OPHN1: variants seen among roughly 807,000 people sequenced by gnomAD.
OPHN1 encodes the protein oligophrenin 1.
A neutral mutation model predicts 60.7 loss-of-function variants in OPHN1; 11 were observed. That is an observed-to-expected ratio of 0.18 (90% confidence interval 0.11 to 0.30). The LOEUF (loss-of-function observed/expected upper bound fraction) is 0.30. Among genes scored for constraint, OPHN1 ranks in the 10% least tolerant of loss-of-function variants. The pLI, the probability that OPHN1 is intolerant of heterozygous loss-of-function variation, is 1.00. For missense variants in OPHN1, 449 were observed against 611.0 expected, an observed-to-expected ratio of 0.73 and a Z score of 2.80; for synonymous variants, 226 against 222.6, an observed-to-expected ratio of 1.02 and a Z score of -0.14.
chrX:68,048,180 T>C (rs776406765), intron 24 of OPHN1, among the ~76,000 whole-genome samples: 2 of 111,863 alleles, frequency 1.8e-5, no homozygotes, highest in African/African-American at 3.3e-5. Context: ...AAGCGTGCCA[T>C]AGTTTGGCTA....
intron 5 of OPHN1, among the ~76,000 whole-genome samples, chrX:68,243,437 G>T (rs2077790915): frequency 9.0e-6 from 1 of 111,351 alleles, no homozygotes; most frequent in Non-Finnish European, 1.9e-5. Flanking sequence ...ACCCAGGCTG[G>T]AGTGCAGTGG....
rs775592018 is a variant in OPHN1 at position 68,365,477 on chromosome X, C to T, written c.155-66381G>A. Among the ~76,000 whole-genome samples, 13 of 111,311 alleles carry T rather than the reference C, an allele frequency of 1.2e-4. No homozygotes were observed. In the South Asian group the frequency reaches 4.2e-3, roughly 36 times the overall value. On this transcript the variant is annotated intron_variant, in intron 2 of 24. Coordinates refer to ENST00000355520, the MANE Select transcript of OPHN1 (RefSeq NM_002547.3). ...AAAAGTCTCAGAATGTACCAGCTGA[C>T]ACGAGGCAATTACCATTTTGTTCAT...
intron 5 of OPHN1, among the ~76,000 whole-genome samples, chrX:68,270,872 C>G (rs912901010): frequency 9.0e-6 from 1 of 111,381 alleles, no homozygotes; most frequent in Non-Finnish European, 1.9e-5. Context: ...GTGAAATGAG[C>G]CCTAGACTTA....
At chrX:68,071,452 T>C in intron 20 of OPHN1, 1 of 909,341 alleles carries the variant, frequency 1.1e-6, no homozygotes, top group Non-Finnish European at 1.6e-6. Flanking sequence ...GGCACAGGCT[T>C]TCTCCACTTC....
chrX:68,048,707 A>C (rs754793458), intron 23 of OPHN1, among the ~76,000 whole-genome samples: 2 of 112,152 alleles, frequency 1.8e-5, no homozygotes, highest in Admixed American at 1.9e-4. Context: ...AGACTATGTG[A>C]AGCTTGGAGA....
chrX:68,109,278 C>T (rs1486659453), intron 18 of OPHN1, among the ~76,000 whole-genome samples: 2 of 111,376 alleles, frequency 1.8e-5, no homozygotes, highest in South Asian at 3.7e-4. Flanking sequence ...AAAATATGTA[C>T]TTTTGTGTCT....
chrX:68,317,641 AAAAG>A (rs1180219788), intron 2 of OPHN1, among the ~76,000 whole-genome samples: 1 of 90,804 alleles, frequency 1.1e-5, no homozygotes, highest in African/African-American at 4.8e-5. Flanking sequence ...AAAGAAAAGA[AAAAG>A]AAGAAGAAGA....
chrX:68,403,935 C>G (rs901208319), intron 2 of OPHN1, among the ~76,000 whole-genome samples: 7 of 108,403 alleles, frequency 6.5e-5, no homozygotes, highest in African/African-American at 2.4e-4. Flanking sequence ...GTGGCACAAG[C>G]AGAAGAGTAA....
chrX:68,211,993 A>G (rs375580463), intron 8 of OPHN1, 115 bp downstream of exon 8: 2 of 535,990 alleles, frequency 3.7e-6, no homozygotes, highest in South Asian at 2.5e-5. Context: ...ACACCAGTAT[A>G]TTCTAACAAA....
chrX:68,314,389 C>T (rs922157749), intron 2 of OPHN1, among the ~76,000 whole-genome samples: 8 of 110,405 alleles, frequency 7.2e-5, no homozygotes, highest in Non-Finnish European at 1.1e-4. Flanking sequence ...GGCGTGGTAG[C>T]GCATGCCTGT....
intron 15 of OPHN1, among the ~76,000 whole-genome samples, chrX:68,163,943 A>T (rs1348614991): frequency 1.8e-5 from 2 of 111,745 alleles, no homozygotes; most frequent in Non-Finnish European, 3.8e-5. Flanking sequence ...TAAAACATAG[A>T]ATCATAAAGA....
chrX:68,265,594 A>C (rs962158402), intron 5 of OPHN1, among the ~76,000 whole-genome samples: 4 of 111,484 alleles, frequency 3.6e-5, no homozygotes, highest in Admixed American at 9.6e-5. Flanking sequence ...AGAGAAGAAA[A>C]ACTGGAAACT....
At chrX:68,201,318 C>T (rs1191769052) in intron 11 of OPHN1, among the ~76,000 whole-genome samples, 1 of 112,159 alleles carries the variant, frequency 8.9e-6, no homozygotes, top group Admixed American at 9.5e-5. Flanking sequence ...TGCAAGATCA[C>T]CAAATGTTGA....
chrX:68,329,612 A>G (rs961402015), intron 2 of OPHN1, among the ~76,000 whole-genome samples: 8 of 111,938 alleles, frequency 7.1e-5, no homozygotes, highest in African/African-American at 2.3e-4. Flanking sequence ...CAAATGTTCT[A>G]AAGAGCTAAA....
chrX:68,192,813 T>G (rs1170792536), intron 15 of OPHN1, 106 bp downstream of exon 15: 1 of 671,436 alleles, frequency 1.5e-6, no homozygotes, highest in Non-Finnish European at 2.4e-6. Context: ...AATACTTTTT[T>G]CAACTATTCT....
chrX:68,419,074 C>T (rs1000836590), intron 2 of OPHN1, among the ~76,000 whole-genome samples: 2 of 110,288 alleles, frequency 1.8e-5, no homozygotes, highest in Non-Finnish European at 3.8e-5. Flanking sequence ...GTGGTGCGAT[C>T]TCGGCTCACT....
At chrX:68,365,539 A>C (rs911335596) in intron 2 of OPHN1, among the ~76,000 whole-genome samples, 8 of 111,922 alleles carry the variant, frequency 7.1e-5, no homozygotes, top group Admixed American at 1.9e-4. Context: ...CTCACTCAGC[A>C]GTAGGAATGT....
intron 6 of OPHN1, among the ~76,000 whole-genome samples, chrX:68,222,473 T>C (rs2077665598): frequency 9.7e-6 from 1 of 103,480 alleles, no homozygotes; most frequent in Non-Finnish European, 2.0e-5. Context: ...TAAAGACACA[T>C]GCACACGTAT....
intron 15 of OPHN1, among the ~76,000 whole-genome samples, chrX:68,181,685 G>A (rs1009849934): frequency 3.6e-5 from 4 of 111,058 alleles, no homozygotes; most frequent in Non-Finnish European, 5.7e-5. Flanking sequence ...AAAATTAGCC[G>A]GGCATGGGGC....
Sources: gnomAD v4.1 joint callset for allele counts (sites outside exome capture counted in the v4.1 genomes callset) on GRCh38, gnomAD v4.1.1 for gene constraint, MANE v1.5 for transcripts, NCBI Gene and HGNC (gene_info 2026-07-23, HGNC 2026-07-21) for gene names.